MAN1A2: variants seen among roughly 807,000 people sequenced by gnomAD.
The protein encoded by MAN1A2 is mannosyl-oligosaccharide 1,2-alpha-mannosidase IB.
MAN1A2 carries 26 observed loss-of-function variants against 75.7 expected under a neutral mutation model. That is an observed-to-expected ratio of 0.34 (90% confidence interval 0.25 to 0.48). The LOEUF (loss-of-function observed/expected upper bound fraction) is 0.48, where lower values mean the gene tolerates loss of function less well. MAN1A2 is among the 20% of genes least tolerant of loss of function. MAN1A2 has a pLI of 0.99. For synonymous variants in MAN1A2, 247 were observed against 264.6 expected (o/e 0.93, Z 0.65); for missense variants, 562 against 775.5 (o/e 0.72, Z 3.27).
At position 117,493,158 on chromosome 1, in the gene MAN1A2, G is replaced by A. The variant is rs754909068; in HGVS notation, c.1180G>A (p.Val394Ile). ...TGRWGQYHTS[V>I]GGLGDSFYEY... is the part of the protein sequence containing the mutation. ...CTCCTTTGTTACAGATCATACATCT[G>A]TCGGTGGCCTGGGAGACAGTTTTTA... is the stretch of plus-strand genomic sequence containing the variant. The change falls in exon 9 of 13, where the codon GTC (valine) becomes ATC (isoleucine). Residue 394 changes from valine (V) to isoleucine (I), a missense_variant. Physicochemically the swap from Val to Ile is conservative, Grantham distance 29 (BLOSUM62 3). Coordinates refer to ENST00000356554, the MANE Select transcript of MAN1A2 (RefSeq NM_006699.5). 6.2e-7 allele frequency: 1 copy of A among 1,603,084 alleles called. No individual in the cohort carries two copies. The highest frequency in any genetic ancestry group is 1.1e-5 in the South Asian group (1 of 90,828).
chr1:117,421,994 T>C (rs1445244061), intron 5 of MAN1A2, among the ~76,000 whole-genome samples: 1 of 152,154 alleles, frequency 6.6e-6, no homozygotes, highest in African/African-American at 2.4e-5. Flanking sequence ...GTTCTATATT[T>C]TGAGAAACTC....
Position 117,522,714 on chromosome 1 carries a change from A to G in MAN1A2, c.1794-111A>G, listed in dbSNP as rs529035587. The G allele has an allele frequency of 9.9e-6, 9 of 907,490 alleles. No individual in the cohort carries two copies. The South Asian group carries it at 1.3e-4, about 13-fold the overall frequency. 56.2% of individuals were successfully genotyped at this position (907,490 alleles called of 1,614,324 possible). On this transcript the variant is annotated intron_variant, in intron 12 of 12. Transcript: ENST00000356554. ...GAGGTTTATTTCTTTGATGTTTTTCATCAAAGCTGCTCAAAATACGTTATT... is the reference window on the plus strand; with the variant it reads ...GAGGTTTATTTCTTTGATGTTTTTCGTCAAAGCTGCTCAAAATACGTTATT...
chr1:117,514,565 T>G (rs6692078), intron 12 of MAN1A2, among the ~76,000 whole-genome samples: 5,180 of 152,232 alleles, frequency 0.034, 154 homozygotes, highest in African/African-American at 0.073. Context: ...AATGCACAGT[T>G]AGCTAGCTAT....
At chr1:117,487,105 T>C (rs1023967360) in intron 8 of MAN1A2, among the ~76,000 whole-genome samples, 1 of 152,070 alleles carries the variant, frequency 6.6e-6, no homozygotes, top group African/African-American at 2.4e-5. Flanking sequence ...ATTTCCAACC[T>C]TAAATTTGAT....
chr1:117,461,641 T>C (rs1172279131), intron 7 of MAN1A2, among the ~76,000 whole-genome samples: 1 of 152,150 alleles, frequency 6.6e-6, no homozygotes, highest in Non-Finnish European at 1.5e-5. Context: ...TATATGCTAG[T>C]ATCAAAATAT....
chr1:117,405,443 C>A (rs747171285), intron 2 of MAN1A2, 106 bp from the exon 3 acceptor site: 7 of 714,290 alleles, frequency 9.8e-6, no homozygotes, highest in Non-Finnish European at 1.5e-5. Flanking sequence ...TAATATAGAT[C>A]TGGAAGAATG....
intron 6 of MAN1A2, 47 bp from the exon 7 acceptor site, chr1:117,460,442 G>T: frequency 7.0e-7 from 1 of 1,422,260 alleles, no homozygotes; most frequent in Non-Finnish European, 9.7e-7. Flanking sequence ...GAATGTTTTG[G>T]TCTTTTCCCA....
chr1:117,524,884 G>A lies in MAN1A2; in HGVS notation c.*1927G>A, dbSNP rs1211486665. On this transcript the variant is annotated 3_prime_UTR_variant, in exon 13 of 13. Coordinates refer to ENST00000356554, the MANE Select transcript of MAN1A2 (RefSeq NM_006699.5). ...TATATATATTACTGTAACTGTAGAA[G>A]GGAAAAGGGAAAGTATTTGGTTCTA... is the stretch of plus-strand genomic sequence containing the variant. 2 of 316,648 alleles carry A rather than the reference G, an allele frequency of 6.3e-6. No individual in the cohort carries two copies. The highest frequency in any genetic ancestry group is 1.3e-5 in the Non-Finnish European group (2 of 158,436). 19.6% of individuals were successfully genotyped at this position (316,648 alleles called of 1,614,324 possible).
At chr1:117,398,593 G>C (rs1167885710) in intron 1 of MAN1A2, among the ~76,000 whole-genome samples, 4 of 151,624 alleles carry the variant, frequency 2.6e-5, no homozygotes, top group Non-Finnish European at 5.9e-5. Context: ...AGACTCTGTT[G>C]AATCTGGGAG....
intron 6 of MAN1A2, 73 bp from the exon 7 acceptor site, chr1:117,460,416 T>G: frequency 2.9e-6 from 3 of 1,023,852 alleles, no homozygotes; most frequent in Non-Finnish European, 4.4e-6. Context: ...ATTTAAAATT[T>G]ACATATTCAT....
At chr1:117,400,544 A>C (rs1016557335) in intron 1 of MAN1A2, among the ~76,000 whole-genome samples, 8 of 151,800 alleles carry the variant, frequency 5.3e-5, no homozygotes, top group African/African-American at 1.9e-4. Context: ...GGCTACCACT[A>C]ATCTATTCAC....
rs5777311 is a variant in MAN1A2 at position 117,458,523 on chromosome 1, A to ATTTTTTTTTT, written c.951-1958_951-1949dup. Among the ~76,000 whole-genome samples, 8 of 105,604 alleles carry ATTTTTTTTTT rather than the reference A, an allele frequency of 7.6e-5. 1 individual carries two copies. Among genetic ancestry groups the ATTTTTTTTTT allele is most frequent in the Non-Finnish European group, 1.4e-4 (7 of 50,194 alleles). 69.3% of individuals were successfully genotyped at this position (105,604 alleles called of 152,430 possible). On this transcript the variant is annotated intron_variant, in intron 6 of 12. Coordinates refer to ENST00000356554, the MANE Select transcript of MAN1A2 (RefSeq NM_006699.5). ...TATATATATATATAGATATATATAT[A>ATTTTTTTTTT]TTTTTTTTTTTTTTTTTGAGACAGA...
chr1:117,460,364 A>T, intron 6 of MAN1A2, 125 bp from the exon 7 acceptor site: 1 of 561,384 alleles, frequency 1.8e-6, no homozygotes, highest in Non-Finnish European at 3.0e-6. Flanking sequence ...TTTTAGATAT[A>T]AATAAGCTAT....
chr1:117,431,553 T>C lies in MAN1A2; in HGVS notation c.856-10678T>C, dbSNP rs139033036. ...TTTATACAGCACTTTACTCAACAGC[T>C]GCTGAGTACACTTTCTTTTCAAGTG... is the stretch of plus-strand genomic sequence containing the variant. On this transcript the variant is annotated intron_variant, in intron 5 of 12. Transcript: ENST00000356554. Among the ~76,000 whole-genome samples, 109 of 152,354 alleles carry C rather than the reference T, an allele frequency of 7.2e-4. 1 individual carries two copies. The highest frequency in any genetic ancestry group is 2.6e-3 in the African/African-American group (108 of 41,582).
At chr1:117,460,733 C>G (rs1367186699) in intron 7 of MAN1A2, 121 bp downstream of exon 7, 8 of 1,188,998 alleles carry the variant, frequency 6.7e-6, no homozygotes, top group Non-Finnish European at 8.8e-6. Context: ...GGGCTGTAGC[C>G]TTTATTTTTT....
In MAN1A2 at chr1:117,523,344, A is replaced by G; in HGVS notation, c.*387A>G. The G allele has an allele frequency of 6.5e-6, 3 of 463,302 alleles. No homozygotes were observed. Among genetic ancestry groups the G allele is most frequent in the Non-Finnish European group, 8.9e-6 (2 of 225,764 alleles). The allele number at this position is 463,302 out of a possible 1,614,324, so 28.7% of individuals were successfully genotyped here. ...AGATGGCCTTTGGAACCAATTATGTATTTGTTTCCTCCTACAGTGGAGCAG... is the reference window on the plus strand; with the variant it reads ...AGATGGCCTTTGGAACCAATTATGTGTTTGTTTCCTCCTACAGTGGAGCAG... On this transcript the variant is annotated 3_prime_UTR_variant, in exon 13 of 13. Coordinates refer to ENST00000356554, the MANE Select transcript of MAN1A2 (RefSeq NM_006699.5).
chr1:117,479,726 T>A (rs1056834401), intron 8 of MAN1A2, among the ~76,000 whole-genome samples: 3 of 151,946 alleles, frequency 2.0e-5, no homozygotes, highest in Non-Finnish European at 2.9e-5. Context: ...GTTTGATCAA[T>A]TGATCAGTTT....
intron 5 of MAN1A2, among the ~76,000 whole-genome samples, chr1:117,427,195 T>C (rs1327300308): frequency 2.0e-5 from 3 of 152,108 alleles, no homozygotes; most frequent in African/African-American, 7.2e-5. Flanking sequence ...TGGTGACCTG[T>C]TCTAAGGTAA....
intron 5 of MAN1A2, among the ~76,000 whole-genome samples, chr1:117,421,541 T>G (rs1160168011): frequency 6.6e-6 from 1 of 151,992 alleles, no homozygotes; most frequent in Non-Finnish European, 1.5e-5. Flanking sequence ...TTCGTATGGA[T>G]TTTTATGACT....
Sources: allele counts gnomAD v4.1 joint callset (sites outside exome capture counted in the v4.1 genomes callset), GRCh38; gene constraint gnomAD v4.1.1; transcripts MANE v1.5; gene names NCBI Gene and HGNC (gene_info 2026-07-23, HGNC 2026-07-21).